DGLUCY: variants seen among roughly 807,000 people sequenced by gnomAD.
DGLUCY encodes the protein D-glutamate cyclase, mitochondrial.
DGLUCY carries 58 observed loss-of-function variants against 58.5 expected under a neutral mutation model. The observed-to-expected ratio is 0.99, with a 90% confidence interval of 0.80 to 1.23. The LOEUF (loss-of-function observed/expected upper bound fraction) is 1.23. DGLUCY is among the 50% of genes most tolerant of loss of function. The pLI, the probability that DGLUCY is intolerant of heterozygous loss-of-function variation, is 0.00. For synonymous variants in DGLUCY, 325 were observed against 314.1 expected (o/e 1.03, Z -0.37); for missense variants, 779 against 784.7 (o/e 0.99, Z 0.09).
intron 7 of DGLUCY, among the ~76,000 whole-genome samples, chr14:91,177,147 C>A (rs79130041): frequency 2.6e-5 from 4 of 152,070 alleles, no homozygotes. Flanking sequence ...TACAGGCATA[C>A]GCCGCCATAC....
At chr14:91,122,268 C>A (rs2045415243) in intron 1 of DGLUCY, among the ~76,000 whole-genome samples, 1 of 151,944 alleles carries the variant, frequency 6.6e-6, no homozygotes, top group African/African-American at 2.4e-5. Flanking sequence ...GGGCTCCCAC[C>A]TCAGTCTCCT....
intron 6 of DGLUCY, among the ~76,000 whole-genome samples, chr14:91,175,498 G>A (rs188215485): frequency 1.5e-4 from 23 of 152,174 alleles, no homozygotes; most frequent in Admixed American, 7.8e-4. Context: ...TATCATTAGC[G>A]GGGATGGATT....
At chr14:91,086,778 G>A (rs1012153779) in intron 1 of DGLUCY, among the ~76,000 whole-genome samples, 5 of 152,010 alleles carry the variant, frequency 3.3e-5, no homozygotes, top group African/African-American at 1.2e-4. Context: ...TTTTGAGACA[G>A]AGTTTCACTC....
In DGLUCY at chr14:91,169,893, A is replaced by T. The variant is rs979420311; in HGVS notation, c.258-110A>T. On this transcript the variant is annotated intron_variant, in intron 4 of 13. Transcript: ENST00000256324. ...CTCCCTACCCTGGTGCCAGGGCTGA[A>T]AATTTCAGCACTAGACATCCTCTTC... 8 of 1,210,046 alleles carry T rather than the reference A, an allele frequency of 6.6e-6. No homozygotes were observed. The Admixed American group carries it at 1.6e-4, about 24-fold the overall frequency. 75.0% of individuals were successfully genotyped at this position (1,210,046 alleles called of 1,614,324 possible).
intron 1 of DGLUCY, among the ~76,000 whole-genome samples, chr14:91,130,247 A>G (rs1279714035): frequency 2.0e-5 from 3 of 151,544 alleles, no homozygotes; most frequent in Non-Finnish European, 4.4e-5. Context: ...CCTGTGTCTC[A>G]TTATAGTTAT....
At chr14:91,111,200 ATATGTGTGTGTGTG>A (rs1366906206), upstream of DGLUCY, among the ~76,000 whole-genome samples, 2,264 of 79,136 alleles carry the variant, frequency 0.029, 118 homozygotes, top group African/African-American at 0.081. Flanking sequence ...TTATTTATAT[ATATGTGTGTGTGTG>A]TGTGTGTGTG....
intron 1 of DGLUCY, among the ~76,000 whole-genome samples, chr14:91,069,991 A>C (rs2043889411): frequency 6.6e-6 from 1 of 152,124 alleles, no homozygotes; most frequent in South Asian, 2.1e-4. Context: ...CATTTAGTTG[A>C]AAAAACTGGG....
At position 91,193,450 on chromosome 14, in the gene DGLUCY, C is replaced by T. The variant is rs114563924; in HGVS notation, c.1196-2925C>T. 8.8e-4 allele frequency among the ~76,000 whole-genome samples: 134 copies of T among 152,308 alleles called. 1 individual carries two copies. The highest frequency in any genetic ancestry group is 3.1e-3 in the African/African-American group (127 of 41,570). On this transcript the variant is annotated intron_variant, in intron 9 of 13. Coordinates refer to ENST00000256324, the MANE Select transcript of DGLUCY (RefSeq NM_001102368.3). ...GTAGAATTTGCTATATTGGATTTTA[C>T]AGAACTTACATTACATTTGCATGAA... is the stretch of plus-strand genomic sequence containing the variant.
chr14:91,183,395 T>A (rs2049301611), intron 8 of DGLUCY, among the ~76,000 whole-genome samples: 2 of 152,186 alleles, frequency 1.3e-5, no homozygotes, highest in Non-Finnish European at 2.9e-5. Context: ...TAATCCCAGG[T>A]GGCCAGCAGG....
At chr14:91,192,535 C>A (rs1291876923) in intron 9 of DGLUCY, among the ~76,000 whole-genome samples, 1 of 152,052 alleles carries the variant, frequency 6.6e-6, no homozygotes, top group Non-Finnish European at 1.5e-5. Context: ...TTTGGGAGAC[C>A]GAGACAGGCA....
Position 91,197,966 on chromosome 14 carries a change from TA to T in DGLUCY, c.1295+1493del, listed in dbSNP as rs1295847035. 2.0e-5 allele frequency among the ~76,000 whole-genome samples: 3 copies of T among 152,366 alleles called. No homozygotes were observed. In the East Asian group the frequency reaches 5.8e-4, roughly 29 times the overall value. On this transcript the variant is annotated intron_variant, in intron 10 of 13. Coordinates refer to ENST00000256324, the MANE Select transcript of DGLUCY (RefSeq NM_001102368.3). ...TTTTTAATTTTTTGAGGAATGGCCA[TA>T]CTATTTTATATAGCAGAGTTGAGAT...
chr14:91,074,929 G>A (rs1056409592), intron 1 of DGLUCY, among the ~76,000 whole-genome samples: 3 of 151,990 alleles, frequency 2.0e-5, no homozygotes, highest in East Asian at 1.9e-4. Context: ...AAAATTAGCC[G>A]GGTGTGGTGG....
chr14:91,141,793 C>T (rs1257328513), intron 1 of DGLUCY, among the ~76,000 whole-genome samples: 13 of 151,754 alleles, frequency 8.6e-5, no homozygotes, highest in Admixed American at 3.9e-4. Context: ...TCAGGTGATT[C>T]GCCCGCCTCA....
chr14:91,138,385 G>A (rs1273145407), intron 1 of DGLUCY, among the ~76,000 whole-genome samples: 1 of 152,148 alleles, frequency 6.6e-6, no homozygotes, highest in Non-Finnish European at 1.5e-5. Context: ...CAGCTACTCA[G>A]GAAGCTGAAG....
At chr14:91,152,100 G>C (rs1464087885) in intron 1 of DGLUCY, among the ~76,000 whole-genome samples, 1 of 152,106 alleles carries the variant, frequency 6.6e-6, no homozygotes, top group African/African-American at 2.4e-5. Flanking sequence ...GAAAATATTT[G>C]TTTTGGCCAG....
At chr14:91,161,675 C>T (rs1205923127) in intron 3 of DGLUCY, among the ~76,000 whole-genome samples, 6 of 151,914 alleles carry the variant, frequency 3.9e-5, no homozygotes, top group Admixed American at 2.0e-4. Flanking sequence ...TTGCATCACA[C>T]TTACTAATGT....
At chr14:91,067,774 T>C (rs1197419903) in intron 1 of DGLUCY, among the ~76,000 whole-genome samples, 1 of 152,096 alleles carries the variant, frequency 6.6e-6, no homozygotes, top group Non-Finnish European at 1.5e-5. Flanking sequence ...GGTCTCGAAC[T>C]CCTGGGTCCA....
upstream of DGLUCY, among the ~76,000 whole-genome samples, chr14:91,110,360 A>C (rs892488874): frequency 1.7e-4 from 26 of 152,210 alleles, no homozygotes; most frequent in African/African-American, 5.8e-4. Flanking sequence ...GCATGTTGCA[A>C]GCCCTGCTTG....
chr14:91,189,603 G>A (rs758599899), intron 9 of DGLUCY, among the ~76,000 whole-genome samples: 34 of 152,294 alleles, frequency 2.2e-4, no homozygotes, highest in Non-Finnish European at 4.1e-4. Flanking sequence ...CCAGGTGGGC[G>A]TTATTGCTGT....
Sources: allele counts gnomAD v4.1 joint callset (sites outside exome capture counted in the v4.1 genomes callset), GRCh38; gene constraint gnomAD v4.1.1; transcripts MANE v1.5; gene names NCBI Gene and HGNC (gene_info 2026-07-23, HGNC 2026-07-21).